The following PHF20L1 variants were observed in gnomAD, a reference collection of about 807,000 sequenced individuals.
PHF20L1 encodes PHD finger protein 20 like 1.
In PHF20L1, 44 loss-of-function variants were observed where a neutral mutation model predicts 125.5. That is an observed-to-expected ratio of 0.35 (90% CI 0.28 to 0.45). The LOEUF is 0.45. Ranked by LOEUF, PHF20L1 falls within the 20% of genes least tolerant of loss-of-function variation. The probability of loss-of-function intolerance (pLI) is 1.00; values close to 1 mark genes in which losing one functional copy is unlikely to be tolerated. For missense variants in PHF20L1, 1,012 were observed against 1,217.2 expected (o/e 0.83, Z 2.51); for synonymous variants, 380 against 403.1 (o/e 0.94, Z 0.69).
chr8:132,779,977 G>A (rs1031032059), intron 2 of PHF20L1, among the ~76,000 whole-genome samples: 1 of 152,054 alleles, frequency 6.6e-6, no homozygotes, highest in Non-Finnish European at 1.5e-5. Context: ...ATGGAAATAA[G>A]CATTAGCCAG....
chr8:132,816,055 A>G (rs1834943725), intron 10 of PHF20L1: 1 of 151,812 alleles, frequency 6.6e-6, no homozygotes. Context: ...CCCAAACATC[A>G]ATGTCTTTAG....
intron 8 of PHF20L1, 161 bp from the exon 9 acceptor site, chr8:132,810,885 A>G: frequency 3.5e-6 from 2 of 573,448 alleles, no homozygotes; most frequent in Non-Finnish European, 3.2e-6. Flanking sequence ...CCCTTGGCTT[A>G]TTATTAAGCA....
intron 2 of PHF20L1, 64 bp downstream of exon 2, chr8:132,777,975 A>G (rs1353138170): frequency 5.1e-6 from 5 of 978,342 alleles, no homozygotes; most frequent in Non-Finnish European, 8.2e-6. Flanking sequence ...TATGTTAATT[A>G]AAACAGTAAA....
At chr8:132,807,509 A>G (rs79779002) in intron 8 of PHF20L1, 2,916 of 276,068 alleles carry the variant, frequency 0.011, 81 homozygotes, top group African/African-American at 0.061. Flanking sequence ...TAAGGAATTT[A>G]AAAAGTTTAA....
chr8:132,815,480 A>G (rs1834869966), intron 10 of PHF20L1: 2 of 152,058 alleles, frequency 1.3e-5, no homozygotes, highest in African/African-American at 2.4e-5. Flanking sequence ...ATCTGTATAT[A>G]TAAATAATAC....
chr8:132,835,490 G>A (rs1489096150), intron 15 of PHF20L1, among the ~76,000 whole-genome samples: 1 of 152,034 alleles, frequency 6.6e-6, no homozygotes, highest in Non-Finnish European at 1.5e-5. Context: ...ATTCCCCCGT[G>A]TCTGTCTCAA....
At position 132,836,527 on chromosome 8, in the gene PHF20L1, G is replaced by A. The variant is rs1837379663; in HGVS notation, c.1910-13G>A. 10 of 1,538,186 alleles carry A rather than the reference G, an allele frequency of 6.5e-6. No homozygotes were observed. The highest frequency in any genetic ancestry group is 8.0e-6 in the Non-Finnish European group (9 of 1,126,724). ...AAAAGTTGTTCTAAGTATACTTTTT[G>A]TATATATTCTAGACTTATCAGATGT... On this transcript the variant is annotated splice_polypyrimidine_tract_variant and intron_variant, in intron 15 of 20. Coordinates refer to ENST00000395386, the MANE Select transcript of PHF20L1 (RefSeq NM_016018.5).
At chr8:132,829,583 A>G (rs1268681679) in intron 14 of PHF20L1, among the ~76,000 whole-genome samples, 2 of 152,048 alleles carry the variant, frequency 1.3e-5, no homozygotes, top group Non-Finnish European at 2.9e-5. Flanking sequence ...GACTGCTGTA[A>G]TCTGACAGCA....
At chr8:132,820,567 G>T (rs572681257) in intron 12 of PHF20L1, among the ~76,000 whole-genome samples, 1 of 151,840 alleles carries the variant, frequency 6.6e-6, no homozygotes, top group African/African-American at 2.4e-5. Flanking sequence ...GCCCCAAGAG[G>T]CCTCTGGTAG....
intron 20 of PHF20L1, 128 bp from the exon 21 acceptor site, chr8:132,845,653 A>G (rs181297672): frequency 4.2e-4 from 280 of 664,988 alleles, no homozygotes; most frequent in Non-Finnish European, 6.5e-4. Context: ...TGTCTTGAGT[A>G]TGTTGGCCTT....
Position 132,842,796 on chromosome 8 carries a change from T to G in PHF20L1, c.2669T>G (p.Leu890Trp), listed in dbSNP as rs1436050448. The G allele has an allele frequency of 6.2e-7, 1 of 1,613,204 alleles. No homozygotes were observed. Among genetic ancestry groups the G allele is most frequent in the Non-Finnish European group, 8.5e-7 (1 of 1,179,440 alleles). Residue 890 changes from leucine to tryptophan, a missense_variant, in exon 19 of 21, where the codon TTG becomes TGG. Transcript: ENST00000395386. Reference sequence around the variant, plus strand: ...TCAGATGATGATGATGTTAGTAGTTTGGAAGAAGAACAAGAATTCCACATG... The same window carrying G: ...TCAGATGATGATGATGTTAGTAGTTGGGAAGAAGAACAAGAATTCCACATG... Reference protein sequence around the residue: ...GSSDDDDVSSLEEEQEFHMRS... With the variant: ...GSSDDDDVSSWEEEQEFHMRS...
At chr8:132,828,993 C>T (rs1341330238) in intron 14 of PHF20L1, among the ~76,000 whole-genome samples, 1 of 151,922 alleles carries the variant, frequency 6.6e-6, no homozygotes, top group East Asian at 1.9e-4. Context: ...AATATTTAAG[C>T]TAGAAAAGTT....
intron 9 of PHF20L1, chr8:132,812,992 A>G (rs1399912031): frequency 5.3e-6 from 5 of 945,236 alleles, no homozygotes; most frequent in Non-Finnish European, 6.3e-6. Flanking sequence ...TTACTTTTGG[A>G]TAAAACTTGC....
At chr8:132,817,663 A>G in intron 12 of PHF20L1, 118 bp downstream of exon 12, 2 of 670,194 alleles carry the variant, frequency 3.0e-6, no homozygotes, top group Non-Finnish European at 5.0e-6. Flanking sequence ...ATTCCTTTTC[A>G]TAAATACTTT....
intron 1 of PHF20L1, 55 bp downstream of exon 1, chr8:132,775,700 CG>C (rs1829607021): frequency 1.3e-5 from 4 of 317,850 alleles, no homozygotes; most frequent in African/African-American, 8.8e-5. Flanking sequence ...CCGGGCCGCC[CG>C]GGACGCCCCC....
chr8:132,834,469 G>GACT (rs1837125408), intron 15 of PHF20L1, among the ~76,000 whole-genome samples: 1 of 152,014 alleles, frequency 6.6e-6, no homozygotes, highest in South Asian at 2.1e-4. Flanking sequence ...GAGTAGCTAA[G>GACT]ACTACCAGCA....
intron 2 of PHF20L1, among the ~76,000 whole-genome samples, chr8:132,782,174 C>G (rs2131326391): frequency 6.6e-6 from 1 of 152,224 alleles, no homozygotes; most frequent in South Asian, 2.1e-4. Flanking sequence ...TGTGTTGATA[C>G]AGAAGTATAT....
intron 2 of PHF20L1, among the ~76,000 whole-genome samples, chr8:132,779,507 A>G (rs1426557886): frequency 6.6e-6 from 1 of 152,198 alleles, no homozygotes; most frequent in Non-Finnish European, 1.5e-5. Context: ...ATTACTCTTA[A>G]GTGATTTATT....
Position 132,842,756 on chromosome 8 carries a change from G to A in PHF20L1, c.2629G>A (p.Ala877Thr), listed in dbSNP as rs758054864. Residue 877 changes from alanine (A) to threonine (T), a missense_variant, in exon 19 of 21, where the codon GCA becomes ACA. Physicochemically the swap from Ala to Thr is moderately conservative, Grantham distance 58. This residue lies in a region of PHF20L1 where 277 missense variants were observed against 283.6 expected (regional missense o/e 0.98). Coordinates refer to ENST00000395386, the MANE Select transcript of PHF20L1 (RefSeq NM_016018.5). ...TTTTGGTCAGGACTGTAAATCTCTC[G>A]CAGACCCTGGGAGCTCAGATGATGA... The part of the protein sequence containing the change: ...QSFGQDCKSL[A>T]DPGSSDDDDV... 1.9e-5 allele frequency: 30 copies of A among 1,613,174 alleles called. No individual in the cohort carries two copies. The highest frequency in any genetic ancestry group is 4.5e-5 in the East Asian group (2 of 44,862).
Sources: allele counts gnomAD v4.1 joint callset (sites outside exome capture counted in the v4.1 genomes callset), GRCh38; gene constraint gnomAD v4.1.1; regional missense constraint gnomAD v4.1.1; transcripts MANE v1.5; gene names NCBI Gene and HGNC (gene_info 2026-07-23, HGNC 2026-07-21).